The following STPG2 variants were observed in gnomAD, a reference collection of about 807,000 sequenced individuals.
STPG2 encodes the protein sperm-tail PG-rich repeat-containing protein 2.
STPG2 carries 56 observed loss-of-function variants against 54.2 expected under a neutral mutation model. The ratio of observed to expected loss-of-function variants is 1.03; its 90% confidence interval spans 0.83 to 1.29. STPG2 has a LOEUF of 1.29. Among genes scored for constraint, STPG2 ranks in the 50% most tolerant of loss-of-function variants. The pLI is 0.00. For missense variants in STPG2, 596 were observed against 544.9 expected (o/e 1.09, Z -0.93); for synonymous variants, 200 against 181.8 (o/e 1.10, Z -0.81).
chr4:98,100,673 T>G (rs10021982), intron 5 of STPG2, among the ~76,000 whole-genome samples: 54,264 of 140,552 alleles, frequency 0.39, 10,204 homozygotes, highest in African/African-American at 0.44. Context: ...TTTTTTTTTT[T>G]TTTTTTTTTT....
At chr4:97,491,494 T>C (rs935730780) in intron 4 of STPG2, among the ~76,000 whole-genome samples, 1 of 151,420 alleles carries the variant, frequency 6.6e-6, no homozygotes, top group African/African-American at 2.4e-5. Context: ...AAAGGGTCAC[T>C]TGGCAGAAGC....
At chr4:97,858,807 C>T (rs776176073) in intron 8 of STPG2, among the ~76,000 whole-genome samples, 8 of 152,148 alleles carry the variant, frequency 5.3e-5, no homozygotes, top group Non-Finnish European at 7.3e-5. Context: ...GGTTGATGGA[C>T]ATTAAAGCTG....
At chr4:97,795,202 C>A (rs956412280) in intron 9 of STPG2, among the ~76,000 whole-genome samples, 10 of 151,916 alleles carry the variant, frequency 6.6e-5, no homozygotes, top group East Asian at 1.9e-4. Flanking sequence ...ATTTTTCTTT[C>A]TTTCTTTATT....
At chr4:98,027,900 T>C (rs190889752) in intron 5 of STPG2, among the ~76,000 whole-genome samples, 1 of 152,320 alleles carries the variant, frequency 6.6e-6, no homozygotes, top group African/African-American at 2.4e-5. Flanking sequence ...TTTCTGTCCC[T>C]TTCAGTCCAA....
intron 8 of STPG2, among the ~76,000 whole-genome samples, chr4:97,930,566 T>C (rs1435648057): frequency 6.6e-6 from 1 of 152,238 alleles, no homozygotes; most frequent in Admixed American, 6.5e-5. Flanking sequence ...TGCCATGCTG[T>C]TTTGGTTACT....
intron 7 of STPG2, among the ~76,000 whole-genome samples, chr4:97,952,695 C>A (rs920868468): frequency 1.3e-5 from 2 of 152,132 alleles, no homozygotes; most frequent in African/African-American, 4.8e-5. Flanking sequence ...GTCATAGACT[C>A]TATGAGATTC....
At chr4:97,966,652 C>T (rs1163193523) in intron 7 of STPG2, among the ~76,000 whole-genome samples, 1 of 152,052 alleles carries the variant, frequency 6.6e-6, no homozygotes, top group Non-Finnish European at 1.5e-5. Context: ...AAAGAGAAGC[C>T]CATCAGACTA....
chr4:97,866,436 AT>A (rs1323158390), intron 8 of STPG2, among the ~76,000 whole-genome samples: 1 of 151,856 alleles, frequency 6.6e-6, no homozygotes, highest in Non-Finnish European at 1.5e-5. Context: ...ATCCTTACAT[AT>A]TTCTCTTCCT....
intron 10 of STPG2, among the ~76,000 whole-genome samples, chr4:97,692,288 T>A (rs1272440736): frequency 7.2e-5 from 5 of 69,286 alleles, no homozygotes; most frequent in African/African-American, 1.1e-4. Context: ...AAAAAGATGA[T>A]ACAGGATATG....
At chr4:97,924,369 C>G (rs988056774) in intron 8 of STPG2, among the ~76,000 whole-genome samples, 2 of 152,238 alleles carry the variant, frequency 1.3e-5, no homozygotes, top group African/African-American at 2.4e-5. Context: ...TCTACACATG[C>G]TATAGTAATA....
chr4:98,030,169 T>A (rs978926085), intron 5 of STPG2, among the ~76,000 whole-genome samples: 1 of 152,220 alleles, frequency 6.6e-6, no homozygotes, highest in Non-Finnish European at 1.5e-5. Flanking sequence ...TACCAGACTA[T>A]GTTGTTTTGC....
intron 7 of STPG2, among the ~76,000 whole-genome samples, chr4:97,964,908 G>C (rs1413454112): frequency 6.6e-6 from 1 of 152,186 alleles, no homozygotes; most frequent in East Asian, 1.9e-4. Flanking sequence ...CTGGTCTGCA[G>C]CTCCCAGTGT....
At chr4:97,927,045 C>A (rs748193630) in intron 8 of STPG2, among the ~76,000 whole-genome samples, 1 of 152,040 alleles carries the variant, frequency 6.6e-6, no homozygotes, top group Admixed American at 6.6e-5. Context: ...CCTAAACTCA[C>A]GCAACTAGGC....
chr4:97,664,976 C>T (rs1578464047), intron 10 of STPG2, among the ~76,000 whole-genome samples: 1 of 152,204 alleles, frequency 6.6e-6, no homozygotes, highest in African/African-American at 2.4e-5. Flanking sequence ...GGGTGGATAG[C>T]ACCAGGTGCC....
intron 9 of STPG2, among the ~76,000 whole-genome samples, chr4:97,750,092 A>T (rs1725538533): frequency 6.6e-6 from 1 of 151,878 alleles, no homozygotes; most frequent in Non-Finnish European, 1.5e-5. Context: ...TTATCAGAAA[A>T]GAATTATATT....
At chr4:97,695,851 G>C (rs1723553171) in intron 10 of STPG2, among the ~76,000 whole-genome samples, 1 of 151,512 alleles carries the variant, frequency 6.6e-6, no homozygotes, top group African/African-American at 2.4e-5. Flanking sequence ...TGAAAGTAAT[G>C]AAAGACATCA....
At chr4:97,838,702 C>T (rs886543304) in intron 9 of STPG2, among the ~76,000 whole-genome samples, 18 of 151,564 alleles carry the variant, frequency 1.2e-4, no homozygotes, top group Non-Finnish European at 2.5e-4. Flanking sequence ...TGGGCACCTA[C>T]TAAATCTATT....
intron 10 of STPG2, among the ~76,000 whole-genome samples, chr4:97,593,138 G>A (rs1578411032): frequency 6.6e-6 from 1 of 152,050 alleles, no homozygotes; most frequent in African/African-American, 2.4e-5. Flanking sequence ...GCCCAACTAG[G>A]GTGCTTCCCA....
At chr4:98,078,216 C>T (rs569138871) in intron 5 of STPG2, among the ~76,000 whole-genome samples, 1 of 152,194 alleles carries the variant, frequency 6.6e-6, no homozygotes, top group South Asian at 2.1e-4. Flanking sequence ...ATATCTTCAC[C>T]TATGGATACT....
Sources: gnomAD v4.1 joint callset for allele counts (sites outside exome capture counted in the v4.1 genomes callset) on GRCh38, gnomAD v4.1.1 for gene constraint, MANE v1.5 for transcripts, NCBI Gene and HGNC (gene_info 2026-07-23, HGNC 2026-07-21) for gene names.